The following LMTK2 variants were observed in gnomAD, a reference collection of about 807,000 sequenced individuals.
LMTK2 encodes serine/threonine-protein kinase LMTK2.
In LMTK2, 37 loss-of-function variants were observed where a neutral mutation model predicts 127.5. The ratio of observed to expected loss-of-function variants is 0.29; its 90% CI spans 0.22 to 0.38. LMTK2 has a LOEUF of 0.38. Among genes scored for constraint, LMTK2 ranks in the 10% least tolerant of loss-of-function variants. The probability of loss-of-function intolerance (pLI) is 1.00; values close to 1 mark genes in which losing one functional copy is unlikely to be tolerated. For synonymous variants in LMTK2, 819 were observed against 810.1 expected, an observed-to-expected ratio of 1.01 and a Z score of -0.19; for missense variants, 1,694 against 1,920.3, an observed-to-expected ratio of 0.88 and a Z score of 2.20.
intron 9 of LMTK2, among the ~76,000 whole-genome samples, chr7:98,188,669 A>G (rs763650401): frequency 1.3e-5 from 2 of 152,136 alleles, no homozygotes; most frequent in Non-Finnish European, 2.9e-5. Flanking sequence ...CTTTGAGTAT[A>G]CCATCCTATT....
At chr7:98,203,518 C>CG (rs1797739759) in intron 11 of LMTK2, 56 bp from the exon 12 acceptor site, 2 of 1,542,708 alleles carry the variant, frequency 1.3e-6, no homozygotes, top group South Asian at 1.2e-5. Context: ...AGCGGTCACA[C>CG]GGGGGGTTCC....
At chr7:98,140,077 A>ACTTACTTTCTTT (rs1562902425) in intron 2 of LMTK2, among the ~76,000 whole-genome samples, 7 of 23,754 alleles carry the variant, frequency 2.9e-4, no homozygotes, top group African/African-American at 6.4e-4. Flanking sequence ...GGTTTCCACA[A>ACTTACTTTCTTT]CTTTCTTTCT....
chr7:98,195,322 GAC>G (rs1248294157), intron 11 of LMTK2, among the ~76,000 whole-genome samples: 1 of 152,180 alleles, frequency 6.6e-6, no homozygotes, highest in African/African-American at 2.4e-5. Flanking sequence ...TGGAGGGTGT[GAC>G]ACACAGCAGG....
In LMTK2 at chr7:98,171,532, C is replaced by CT. The variant is rs1797190876; in HGVS notation, c.658-5dup. 6.2e-7 allele frequency: 1 copy of CT among 1,613,942 alleles called. No individual in the cohort carries two copies. Among genetic ancestry groups the CT allele is most frequent in the African/African-American group, 1.3e-5 (1 of 74,952 alleles). On this transcript the variant is annotated splice_polypyrimidine_tract_variant and intron_variant, in intron 6 of 13. Coordinates refer to ENST00000297293, the MANE Select transcript of LMTK2 (RefSeq NM_014916.4). This position sits in a 1 kb window ranked among gnomAD's most constrained non-coding sequence, Gnocchi z 5.1. ...TCGTTTGGAAACTCACACGGGCTGA[C>CT]TTTTGCAGGGTGACCTGAAGGCGTA...
intron 1 of LMTK2, among the ~76,000 whole-genome samples, chr7:98,119,091 C>CAAAA (rs11309792): frequency 2.2e-5 from 2 of 89,410 alleles, no homozygotes; most frequent in African/African-American, 4.3e-5. Flanking sequence ...GAATCCATCT[C>CAAAA]AAAAAAAAAA....
At chr7:98,132,312 G>A (rs1041080192) in intron 1 of LMTK2, among the ~76,000 whole-genome samples, 60 of 152,044 alleles carry the variant, frequency 3.9e-4, no homozygotes, top group African/African-American at 1.3e-3. Flanking sequence ...GTGCAGTGGC[G>A]CAATTTTGGC....
chr7:98,167,636 T>G (rs1797121167), intron 6 of LMTK2, among the ~76,000 whole-genome samples: 1 of 152,216 alleles, frequency 6.6e-6, no homozygotes, highest in Non-Finnish European at 1.5e-5. Context: ...CGATGCCACT[T>G]ACTGAGACTG....
At chr7:98,137,958 A>G (rs1796618079) in intron 2 of LMTK2, among the ~76,000 whole-genome samples, 1 of 152,230 alleles carries the variant, frequency 6.6e-6, no homozygotes, top group South Asian at 2.1e-4. Context: ...GTTTTGTGAA[A>G]GAGGAAGATC....
chr7:98,110,723 T>A (rs1367992724), intron 1 of LMTK2, among the ~76,000 whole-genome samples: 1 of 152,160 alleles, frequency 6.6e-6, no homozygotes, highest in Non-Finnish European at 1.5e-5. Flanking sequence ...AATATTAGGA[T>A]AGTGGTGAGA....
rs112304972 is a variant in LMTK2 at position 98,188,587 on chromosome 7, C to T, written c.998+1589C>T. 7.2e-3 allele frequency among the ~76,000 whole-genome samples: 1,096 copies of T among 152,256 alleles called. 5 individuals carry two copies. The highest frequency in any genetic ancestry group is 0.02 in the Middle Eastern group (6 of 294). ...TGCTGGGATTATAGTCATGAGCCAT[C>T]GCGCCCAACCCTCCTTCATTTCCGA... On this transcript the variant is annotated intron_variant, in intron 9 of 13. Transcript: ENST00000297293.
intron 1 of LMTK2, among the ~76,000 whole-genome samples, chr7:98,124,226 T>C (rs1796410610): frequency 1.3e-5 from 2 of 152,210 alleles, no homozygotes; most frequent in Non-Finnish European, 2.9e-5. Context: ...TGCCAGCAAG[T>C]CCTGGCTCCA....
At chr7:98,173,153 G>GGT (rs1797219068) in intron 7 of LMTK2, among the ~76,000 whole-genome samples, 1 of 152,176 alleles carries the variant, frequency 6.6e-6, no homozygotes, top group Non-Finnish European at 1.5e-5. Flanking sequence ...TATTTCTAGA[G>GGT]GTGTGTGTGT....
Position 98,155,231 on chromosome 7 carries a change from T to C in LMTK2, c.569+355T>C, listed in dbSNP as rs115515358. Among the ~76,000 whole-genome samples, 1,193 of 152,040 alleles carry C rather than the reference T, an allele frequency of 7.8e-3. 17 individuals carry two copies. The highest frequency in any genetic ancestry group is 0.027 in the African/African-American group (1,114 of 41,470). On this transcript the variant is annotated intron_variant, in intron 5 of 13. Transcript: ENST00000297293. The stretch of plus-strand genomic sequence containing the variant: ...AGAAATAGAAGACATAAAGAAGACA[T>C]AAATGGAAACCTCAGGACTAAGAAA...
chr7:98,125,383 T>C (rs1796430426), intron 1 of LMTK2, among the ~76,000 whole-genome samples: 2 of 152,248 alleles, frequency 1.3e-5, no homozygotes, highest in Admixed American at 6.5e-5. Context: ...ATATATTTAC[T>C]TAGTTGCTTA....
At position 98,190,866 on chromosome 7, in the gene LMTK2, C is replaced by T. The variant is rs752994394; in HGVS notation, c.1137C>T (p.Tyr379=). 6.2e-7 allele frequency: 1 copy of T among 1,614,058 alleles called. No individual in the cohort carries two copies. The highest frequency in any genetic ancestry group is 8.5e-7 in the Non-Finnish European group (1 of 1,180,018). ...KLPKPQLEQP[Y]SDRWYEVLQF... is the part of the protein sequence containing the mutation. Reference sequence around the variant, plus strand: ...CGAAGCCCCAGCTGGAGCAGCCCTACTCTGATAGATGGTTGGTAGCCTCAC... The same window carrying T: ...CGAAGCCCCAGCTGGAGCAGCCCTATTCTGATAGATGGTTGGTAGCCTCAC... The change falls in exon 10 of 14, where the codon TAC becomes TAT. Residue 379 remains tyrosine, a synonymous_variant. Transcript: ENST00000297293.
chr7:98,125,577 C>G (rs981237928), intron 1 of LMTK2, among the ~76,000 whole-genome samples: 5 of 152,204 alleles, frequency 3.3e-5, no homozygotes, highest in Non-Finnish European at 5.9e-5. Context: ...GGTGACACCC[C>G]TGTCCCATAA....
chr7:98,186,061 C>CTT (rs368390468), intron 8 of LMTK2, among the ~76,000 whole-genome samples: 6 of 144,832 alleles, frequency 4.1e-5, no homozygotes, highest in South Asian at 2.2e-4. Context: ...TGCATCATCT[C>CTT]TTTTTTTTTT....
chr7:98,158,319 G>T (rs1024605599), intron 5 of LMTK2, among the ~76,000 whole-genome samples: 2 of 152,168 alleles, frequency 1.3e-5, no homozygotes, highest in Admixed American at 1.3e-4. Flanking sequence ...TTGTCCCCCG[G>T]GCTGGAGTGC....
intron 1 of LMTK2, among the ~76,000 whole-genome samples, chr7:98,131,723 C>A (rs2116348975): frequency 6.6e-6 from 1 of 152,230 alleles, no homozygotes; most frequent in Non-Finnish European, 1.5e-5. Flanking sequence ...TTATTCTTAG[C>A]TTTCAGGCCA....
Sources: gnomAD v4.1 joint callset for allele counts (sites outside exome capture counted in the v4.1 genomes callset) on GRCh38, gnomAD v4.1.1 for gene constraint, Gnocchi (gnomAD v3.1) non-coding constraint, MANE v1.5 for transcripts, NCBI Gene and HGNC (gene_info 2026-07-23, HGNC 2026-07-21) for gene names.